Variants in MAP2K5 observed in about 807,000 individuals in gnomAD.
The protein encoded by MAP2K5 is dual specificity mitogen-activated protein kinase kinase 5.
Under a neutral mutation model 83.1 loss-of-function variants are expected in MAP2K5, and 49 were observed. The observed-to-expected ratio is 0.59, with a 90% CI of 0.47 to 0.75. The LOEUF is 0.75. Ranked by LOEUF, MAP2K5 falls within the 30% of genes least tolerant of loss-of-function variation. The pLI is 0.00. For missense variants in MAP2K5, 457 were observed against 557.5 expected, an observed-to-expected ratio of 0.82 and a Z score of 1.82; for synonymous variants, 202 against 191.8, an observed-to-expected ratio of 1.05 and a Z score of -0.44.
intron 11 of MAP2K5, among the ~76,000 whole-genome samples, chr15:67,648,646 CA>C (rs2086886024): frequency 4.5e-3 from 1 of 224 alleles, no homozygotes; most frequent in South Asian, 0.25. Flanking sequence ...GATCTCGGCT[CA>C]CTGCAACCTC....
intron 16 of MAP2K5, among the ~76,000 whole-genome samples, chr15:67,723,827 T>C (rs1351909930): frequency 2.0e-5 from 3 of 152,248 alleles, no homozygotes; most frequent in Non-Finnish European, 1.5e-5. Flanking sequence ...AGCAAAGATT[T>C]CTATTGGCAT....
intron 8 of MAP2K5, among the ~76,000 whole-genome samples, chr15:67,611,362 T>C (rs984286747): frequency 3.9e-5 from 6 of 152,178 alleles, no homozygotes; most frequent in Non-Finnish European, 8.8e-5. Flanking sequence ...CTCTTTTAAC[T>C]TCTTTTGGAG....
At chr15:67,548,934 A>T in intron 1 of MAP2K5, 1 of 1,006,274 alleles carries the variant, frequency 9.9e-7, no homozygotes, top group Non-Finnish European at 1.4e-6. Flanking sequence ...AAAGCACTAT[A>T]GAGGCAAGAC....
At position 67,572,085 on chromosome 15, in the gene MAP2K5, T is replaced by A. The variant is rs56204625; in HGVS notation, c.253-8669T>A. Among the ~76,000 whole-genome samples, 24,876 of 152,170 alleles carry A rather than the reference T, an allele frequency of 0.16. 2,816 individuals carry two copies. Among genetic ancestry groups the A allele is most frequent in the African/African-American group, 0.31 (13,064 of 41,490 alleles). On this transcript the variant is annotated intron_variant, in intron 3 of 21. Transcript: ENST00000178640. The surrounding 1 kb of genome is among the most constrained non-coding windows in gnomAD (Gnocchi z 4.2). ...GAGCACAAGAAGTGTCTAATCTAGCTTTGGGGACCAAAAAGGCTTCCTGAA... is the reference window on the plus strand; with the variant it reads ...GAGCACAAGAAGTGTCTAATCTAGCATTGGGGACCAAAAAGGCTTCCTGAA...
intron 8 of MAP2K5, among the ~76,000 whole-genome samples, chr15:67,612,996 T>C (rs2085963796): frequency 2.3e-5 from 1 of 44,334 alleles, no homozygotes; most frequent in Non-Finnish European, 8.7e-5. Flanking sequence ...TAGCTGATAG[T>C]TAAAAGAGGA....
Position 67,719,738 on chromosome 15 carries a change from A to G in MAP2K5, c.1045-8178A>G, listed in dbSNP as rs75465979. Among the ~76,000 whole-genome samples, 2,660 of 152,326 alleles carry G rather than the reference A, an allele frequency of 0.017. 90 individuals carry two copies. The highest frequency in any genetic ancestry group is 0.061 in the African/African-American group (2,538 of 41,548). On this transcript the variant is annotated intron_variant, in intron 16 of 21. Transcript: ENST00000178640. The surrounding 1 kb of genome is among the most constrained non-coding windows in gnomAD (Gnocchi z 4.6). The stretch of plus-strand genomic sequence containing the variant: ...AATCTATCTACTCATCTGTTGCAAC[A>G]TCTCAGATTCCAGATAGGAAAACTG...
At chr15:67,618,378 G>C (rs2086103141) in intron 8 of MAP2K5, among the ~76,000 whole-genome samples, 1 of 152,138 alleles carries the variant, frequency 6.6e-6, no homozygotes, top group Non-Finnish European at 1.5e-5. Flanking sequence ...AATTTAGAGA[G>C]CCTCAGTTCC....
chr15:67,741,750 TG>T (rs538004744), intron 17 of MAP2K5, among the ~76,000 whole-genome samples: 1 of 152,240 alleles, frequency 6.6e-6, no homozygotes, highest in African/African-American at 2.4e-5. Context: ...AAAACAGGGA[TG>T]TTCATTCAAG....
In MAP2K5 at chr15:67,563,146, C is replaced by G; in HGVS notation, c.185-137C>G. On this transcript the variant is annotated intron_variant, in intron 2 of 21. Transcript: ENST00000178640. This position sits in a 1 kb window ranked among gnomAD's most constrained non-coding sequence, Gnocchi z 4.5. ...TCCAAATGGAAAACAAAACAACAAA[C>G]TAATAATGTCAACATACCCCCAAAA... The G allele has an allele frequency of 1.1e-6, 1 of 905,352 alleles. No homozygotes were observed. Among genetic ancestry groups the G allele is most frequent in the Non-Finnish European group, 1.6e-6 (1 of 640,604 alleles). The allele number at this position is 905,352 out of a possible 1,614,324, so 56.1% of individuals were successfully genotyped here. A position where few individuals can be genotyped will look rare whatever the true frequency, so the allele number is the denominator to read the frequency against.
chr15:67,745,288 G>A lies in MAP2K5; in HGVS notation c.1075-2943G>A, dbSNP rs150138148. Among the ~76,000 whole-genome samples the A allele has an allele frequency of 4.6e-5, 7 of 152,276 alleles. No homozygotes were observed. In the East Asian group the frequency reaches 1.2e-3, roughly 25 times the overall value. ...ACATCAGCCCTAACAATATTATTGC[G>A]TTCCTCTGAACTCTGCTCTCACAGC... On this transcript the variant is annotated intron_variant, in intron 17 of 21. Transcript: ENST00000178640.
chr15:67,686,822 A>AT (rs1387462700), intron 13 of MAP2K5, among the ~76,000 whole-genome samples: 2 of 152,232 alleles, frequency 1.3e-5, no homozygotes, highest in East Asian at 3.9e-4. Flanking sequence ...TAAAAACTTT[A>AT]AAGTTTAAAG....
At chr15:67,671,917 G>A (rs2087549692) in intron 13 of MAP2K5, among the ~76,000 whole-genome samples, 2 of 149,276 alleles carry the variant, frequency 1.3e-5, no homozygotes, top group Admixed American at 1.4e-4. Flanking sequence ...GTGGTGTTTG[G>A]TTTTTTGTCC....
chr15:67,700,739 C>T (rs892896809), intron 15 of MAP2K5, among the ~76,000 whole-genome samples: 4 of 152,044 alleles, frequency 2.6e-5, no homozygotes, highest in Admixed American at 6.6e-5. Flanking sequence ...AGGATAGACA[C>T]GTGGAGCTTG....
chr15:67,649,691 C>T (rs2086908940), intron 11 of MAP2K5, among the ~76,000 whole-genome samples: 1 of 152,124 alleles, frequency 6.6e-6, no homozygotes, highest in Non-Finnish European at 1.5e-5. Context: ...ATCTAGTTGT[C>T]TATCTTTGTA....
intron 13 of MAP2K5, among the ~76,000 whole-genome samples, chr15:67,678,284 T>C (rs1193845709): frequency 6.6e-6 from 1 of 152,188 alleles, no homozygotes; most frequent in East Asian, 1.9e-4. Flanking sequence ...GGAGACCGGC[T>C]AATGTGCCCT....
At chr15:67,664,678 T>C in intron 13 of MAP2K5, 33 bp downstream of exon 13, 1 of 1,522,152 alleles carries the variant, frequency 6.6e-7, no homozygotes, top group Non-Finnish European at 9.1e-7. Flanking sequence ...TGGATTTAAT[T>C]TGGGGTGGGG....
intron 8 of MAP2K5, among the ~76,000 whole-genome samples, chr15:67,620,110 G>A (rs1167015328): frequency 1.3e-5 from 2 of 152,084 alleles, no homozygotes; most frequent in South Asian, 2.1e-4. Context: ...AGCGGCTAAC[G>A]CCTGTAATCC....
chr15:67,695,182 T>G, intron 15 of MAP2K5, among the ~76,000 whole-genome samples: 1 of 151,788 alleles, frequency 6.6e-6, no homozygotes, highest in Non-Finnish European at 1.5e-5. Flanking sequence ...GTGGGTGCAG[T>G]GCACCAGCAT....
intron 7 of MAP2K5, among the ~76,000 whole-genome samples, chr15:67,599,125 C>G (rs565388909): frequency 1.2e-4 from 19 of 152,124 alleles, no homozygotes; most frequent in Admixed American, 1.2e-3. Flanking sequence ...ATTTATCATT[C>G]GGTCCAGAAT....
Sources: allele counts gnomAD v4.1 joint callset (sites outside exome capture counted in the v4.1 genomes callset), GRCh38; gene constraint gnomAD v4.1.1; non-coding constraint Gnocchi (gnomAD v3.1); transcripts MANE v1.5; gene names NCBI Gene and HGNC (gene_info 2026-07-23, HGNC 2026-07-21).